OSBPL3: variants seen among roughly 807,000 people sequenced by gnomAD.
The protein encoded by OSBPL3 is oxysterol-binding protein-related protein 3.
OSBPL3 carries 65 observed loss-of-function variants against 120.1 expected under a neutral mutation model. That is an observed-to-expected ratio of 0.54 (90% confidence interval 0.44 to 0.67). The LOEUF is 0.67. Among genes scored for constraint, OSBPL3 ranks in the 30% least tolerant of loss-of-function variants. OSBPL3 has a pLI of 0.00. For synonymous variants in OSBPL3, 416 were observed against 402.6 expected (o/e 1.03, Z -0.40); for missense variants, 1,004 against 1,082.1 (o/e 0.93, Z 1.01).
At position 24,798,197 on chromosome 7, in the gene OSBPL3, A is replaced by G. The variant is rs1791920616; in HGVS notation, c.*1986T>C. The G allele has an allele frequency of 1.3e-5, 2 of 152,232 alleles. No individual in the cohort carries two copies. Among genetic ancestry groups the G allele is most frequent in the South Asian group, 4.1e-4 (2 of 4,836 alleles). 9.4% of individuals were successfully genotyped at this position (152,232 alleles called of 1,614,324 possible). A position where few individuals can be genotyped will look rare whatever the true frequency, so the allele number is the denominator to read the frequency against. ...TAAGGGCAAGTGAAATAACATTAGG[A>G]TAATTAAAGATTTTCCAAATGCCAC... On this transcript the variant is annotated 3_prime_UTR_variant, in exon 23 of 23. Coordinates refer to ENST00000313367, the MANE Select transcript of OSBPL3 (RefSeq NM_015550.4). The surrounding 1 kb of genome is among the most constrained non-coding windows in gnomAD (Gnocchi z 4.6).
chr7:24,867,011 A>C lies in OSBPL3; in HGVS notation c.382-774T>G, dbSNP rs1801419265. Reference sequence around the variant, plus strand: ...GAGGCGGGGTTTCACCATGTTGGCCAGGCTGGTCTCGAACTCCTGACCTGG... The same window carrying C: ...GAGGCGGGGTTTCACCATGTTGGCCCGGCTGGTCTCGAACTCCTGACCTGG... On this transcript the variant is annotated intron_variant, in intron 5 of 22. Transcript: ENST00000313367. The surrounding 1 kb of genome is among the most constrained non-coding windows in gnomAD (Gnocchi z 4.5). Among the ~76,000 whole-genome samples the C allele has an allele frequency of 1.3e-5, 2 of 152,172 alleles. No individual in the cohort carries two copies. The highest frequency in any genetic ancestry group is 2.9e-5 in the Non-Finnish European group (2 of 68,010).
chr7:24,832,199 C>CCTGT (rs1796452819), intron 15 of OSBPL3, among the ~76,000 whole-genome samples: 1 of 121,652 alleles, frequency 8.2e-6, no homozygotes, highest in Admixed American at 7.9e-5. Context: ...AGAGCAAGAC[C>CCTGT]CTGTCTCAAA....
rs1230041232 is a variant in OSBPL3 at position 24,865,434 on chromosome 7, T to G, written c.581A>C (p.Gln194Pro). ...RSSISKQNLF[Q>P]TGSNVSFSCG... Reference sequence around the variant, plus strand: ...AGAAAATGATACATTGCTTCCAGTTTGAAATAAATTCTGCTTTGATATACT... The same window carrying G: ...AGAAAATGATACATTGCTTCCAGTTGGAAATAAATTCTGCTTTGATATACT... Residue 194 changes from glutamine (Q) to proline (P), a missense_variant, in exon 7 of 23, where the codon CAA (glutamine) becomes CCA (proline). Gln to Pro is a moderately conservative substitution (Grantham distance 76, BLOSUM62 -1). Around this residue, in one of 4 missense-constraint regions of OSBPL3, gnomAD observed 255 missense variants for 248.7 expected, o/e 1.03. Coordinates refer to ENST00000313367, the MANE Select transcript of OSBPL3 (RefSeq NM_015550.4). The G allele has an allele frequency of 6.2e-7, 1 of 1,613,726 alleles. No homozygotes were observed. Among genetic ancestry groups the G allele is most frequent in the East Asian group, 2.2e-5 (1 of 44,888 alleles).
chr7:24,971,755 C>G (rs756786162), intron 1 of OSBPL3, among the ~76,000 whole-genome samples: 8 of 90,918 alleles, frequency 8.8e-5, no homozygotes, highest in Admixed American at 4.5e-4. Flanking sequence ...TAAGATCTAA[C>G]GAGGTAGCGT....
chr7:24,926,814 G>C (rs1229833552), intron 1 of OSBPL3, among the ~76,000 whole-genome samples: 1 of 152,152 alleles, frequency 6.6e-6, no homozygotes, highest in Non-Finnish European at 1.5e-5. Context: ...GGAGGACCTG[G>C]TCTCTATGAT....
intron 16 of OSBPL3, among the ~76,000 whole-genome samples, chr7:24,828,548 A>G (rs1795963161): frequency 7.0e-6 from 1 of 143,428 alleles, no homozygotes; most frequent in Admixed American, 7.4e-5. Flanking sequence ...CAGAGGTTGC[A>G]GTAAGCCGAG....
chr7:24,923,636 G>A (rs1485633287), intron 1 of OSBPL3, among the ~76,000 whole-genome samples: 1 of 152,228 alleles, frequency 6.6e-6, no homozygotes, highest in African/African-American at 2.4e-5. Flanking sequence ...TACAGAGTGT[G>A]AGGCACAGAG....
intron 1 of OSBPL3, among the ~76,000 whole-genome samples, chr7:24,979,113 C>A (rs1443049568): frequency 6.6e-6 from 1 of 152,102 alleles, no homozygotes; most frequent in East Asian, 1.9e-4. Flanking sequence ...ACGGAATAAA[C>A]AGAGACAGAG....
chr7:24,913,189 T>A lies in OSBPL3; in HGVS notation c.-149-20568A>T, dbSNP rs565098930. Among the ~76,000 whole-genome samples the A allele has an allele frequency of 5.9e-5, 9 of 152,314 alleles. No individual in the cohort carries two copies. The highest frequency in any genetic ancestry group is 2.2e-4 in the African/African-American group (9 of 41,564). On this transcript the variant is annotated intron_variant, in intron 1 of 22. Coordinates refer to ENST00000313367, the MANE Select transcript of OSBPL3 (RefSeq NM_015550.4). The surrounding 1 kb of genome is among the most constrained non-coding windows in gnomAD (Gnocchi z 5.3). Reference sequence around the variant, plus strand: ...CCAAATTAAAGATGTCAGGGATACATAAATATTGTCATTAACCTACCAGTT... The same window carrying A: ...CCAAATTAAAGATGTCAGGGATACAAAAATATTGTCATTAACCTACCAGTT...
At chr7:24,924,541 C>G (rs1810803348) in intron 1 of OSBPL3, among the ~76,000 whole-genome samples, 1 of 152,206 alleles carries the variant, frequency 6.6e-6, no homozygotes, top group East Asian at 1.9e-4. Flanking sequence ...TCTGGCTAAG[C>G]TTCTTCCCGG....
rs938759870 is a variant in OSBPL3, at chr7:24,851,069, C to T, written c.1158+1435G>A. 6.6e-6 allele frequency among the ~76,000 whole-genome samples: 1 copy of T among 152,112 alleles called. No homozygotes were observed. The highest frequency in any genetic ancestry group is 1.5e-5 in the Non-Finnish European group (1 of 68,012). Reference sequence around the variant, plus strand: ...GGCAGATTGACAAGATGAGGCCAGGCCTCTGTGGGAGGAGGCAGGGAGAGG... The same window carrying T: ...GGCAGATTGACAAGATGAGGCCAGGTCTCTGTGGGAGGAGGCAGGGAGAGG... On this transcript the variant is annotated intron_variant, in intron 11 of 22. Coordinates refer to ENST00000313367, the MANE Select transcript of OSBPL3 (RefSeq NM_015550.4). This position sits in a 1 kb window ranked among gnomAD's most constrained non-coding sequence, Gnocchi z 4.1.
At chr7:24,846,935 C>T (rs951972932) in intron 12 of OSBPL3, among the ~76,000 whole-genome samples, 3 of 151,910 alleles carry the variant, frequency 2.0e-5, no homozygotes, top group Admixed American at 1.3e-4. Context: ...TGGTGGCAGG[C>T]GCCTGTAGCC....
At chr7:24,811,551 G>C (rs535107757) in intron 19 of OSBPL3, among the ~76,000 whole-genome samples, 1 of 152,174 alleles carries the variant, frequency 6.6e-6, no homozygotes, top group South Asian at 2.1e-4. Flanking sequence ...TGTGCTTTTG[G>C]GGTCATATCC....
At chr7:24,888,839 G>T (rs1361854286) in intron 2 of OSBPL3, among the ~76,000 whole-genome samples, 2 of 152,168 alleles carry the variant, frequency 1.3e-5, no homozygotes, top group Admixed American at 1.3e-4. Context: ...TCCAGAAAGT[G>T]AAAGAAAACT....
chr7:24,854,884 C>G lies in OSBPL3; in HGVS notation c.1028-2250G>C, dbSNP rs962590259. On this transcript the variant is annotated intron_variant, in intron 10 of 22. Coordinates refer to ENST00000313367, the MANE Select transcript of OSBPL3 (RefSeq NM_015550.4). The surrounding 1 kb of genome is among the most constrained non-coding windows in gnomAD (Gnocchi z 4.1). ...TGCAGGTAAAGCACATAACACAATG[C>G]GTGGTATGTAATAAATAACAAATGT... 3.3e-5 allele frequency among the ~76,000 whole-genome samples: 5 copies of G among 152,098 alleles called. No individual in the cohort carries two copies. The highest frequency in any genetic ancestry group is 7.3e-5 in the Non-Finnish European group (5 of 68,030).
Position 24,894,316 on chromosome 7 carries a change from A to T in OSBPL3, c.-149-1695T>A, listed in dbSNP as rs1805806862. Reference sequence around the variant, plus strand: ...AATCTCTTTATTCATTTAGTATTGGATCCAATAATAAGTAAGACTAAAAGC... The same window carrying T: ...AATCTCTTTATTCATTTAGTATTGGTTCCAATAATAAGTAAGACTAAAAGC... On this transcript the variant is annotated intron_variant, in intron 1 of 22. Transcript: ENST00000313367. This position sits in a 1 kb window ranked among gnomAD's most constrained non-coding sequence, Gnocchi z 4.1. Among the ~76,000 whole-genome samples the T allele has an allele frequency of 6.6e-6, 1 of 152,180 alleles. No individual in the cohort carries two copies. Among genetic ancestry groups the T allele is most frequent in the Admixed American group, 6.5e-5 (1 of 15,278 alleles).
rs1000082742 is a variant in OSBPL3, at chr7:24,855,959, G to A, written c.1028-3325C>T. ...AGCTTCCCCGCCAAATGGTCTGCTG[G>A]CCCACGCTTGTCAGAGCACTTGCTA... On this transcript the variant is annotated intron_variant, in intron 10 of 22. Coordinates refer to ENST00000313367, the MANE Select transcript of OSBPL3 (RefSeq NM_015550.4). The surrounding 1 kb of genome is among the most constrained non-coding windows in gnomAD (Gnocchi z 4.3). 6.6e-6 allele frequency among the ~76,000 whole-genome samples: 1 copy of A among 152,140 alleles called. No individual in the cohort carries two copies. Among genetic ancestry groups the A allele is most frequent in the Non-Finnish European group, 1.5e-5 (1 of 68,028 alleles).
Position 24,840,670 on chromosome 7 carries a change from T to C in OSBPL3, c.1495+20A>G, listed in dbSNP as rs777118122. ...TATGAAAATCCAAACTTTTCAGAGATTAAATAATGTAAATCTTACCCAAGG... is the reference window on the plus strand; with the variant it reads ...TATGAAAATCCAAACTTTTCAGAGACTAAATAATGTAAATCTTACCCAAGG... On this transcript the variant is annotated intron_variant, in intron 14 of 22. Coordinates refer to ENST00000313367, the MANE Select transcript of OSBPL3 (RefSeq NM_015550.4). 1.8e-6 allele frequency: 2 copies of C among 1,096,082 alleles called. No homozygotes were observed. The highest frequency in any genetic ancestry group is 1.5e-5 in the South Asian group (1 of 68,920). 67.9% of individuals were successfully genotyped at this position (1,096,082 alleles called of 1,614,324 possible). A position where few individuals can be genotyped will look rare whatever the true frequency, so the allele number is the denominator to read the frequency against.
intron 1 of OSBPL3, among the ~76,000 whole-genome samples, chr7:24,929,037 G>A (rs1166248091): frequency 2.6e-5 from 4 of 152,120 alleles, no homozygotes; most frequent in Admixed American, 6.5e-5. Context: ...GAGGGTAAGC[G>A]TGTTTAGCTT....
Sources: allele counts gnomAD v4.1 joint callset (sites outside exome capture counted in the v4.1 genomes callset), GRCh38; gene constraint gnomAD v4.1.1; regional missense constraint gnomAD v4.1.1; non-coding constraint Gnocchi (gnomAD v3.1); transcripts MANE v1.5; gene names NCBI Gene and HGNC (gene_info 2026-07-23, HGNC 2026-07-21).